The following UNC13C variants were observed in gnomAD, a reference collection of about 807,000 sequenced individuals.
The protein encoded by UNC13C is protein unc-13 homolog C.
UNC13C carries 174 observed loss-of-function variants against 245.4 expected under a neutral mutation model. That is an observed-to-expected ratio of 0.71 (90% CI 0.63 to 0.80). The LOEUF is 0.80. Ranked by LOEUF, UNC13C falls within the 30% of genes least tolerant of loss-of-function variation. The probability of loss-of-function intolerance (pLI) is 0.00; values close to 1 mark genes in which losing one functional copy is unlikely to be tolerated. For missense variants in UNC13C, 2,829 were observed against 2,602.9 expected, an observed-to-expected ratio of 1.09 and a Z score of -1.89; for synonymous variants, 992 against 895.1, an observed-to-expected ratio of 1.11 and a Z score of -1.93.
chr15:54,336,285 A>G lies in UNC13C; in HGVS notation c.4585-2076A>G, dbSNP rs57324037. Among the ~76,000 whole-genome samples, 7 of 151,988 alleles carry G rather than the reference A, an allele frequency of 4.6e-5. No individual in the cohort carries two copies. In the East Asian group the frequency reaches 9.7e-4, roughly 21 times the overall value. ...ATGCATTACCTCACAAAGTTATCAT[A>G]TTTGTGAGGAGAATATCTAAAATCT... On this transcript the variant is annotated intron_variant, in intron 16 of 32. Transcript: ENST00000260323.
At chr15:54,597,257 G>T (rs866699515) in intron 30 of UNC13C, among the ~76,000 whole-genome samples, 1 of 152,142 alleles carries the variant, frequency 6.6e-6, no homozygotes, top group Non-Finnish European at 1.5e-5. Context: ...GCCACAGACC[G>T]GTATCATTCC....
chr15:54,424,695 T>C (rs1214822785), intron 19 of UNC13C, among the ~76,000 whole-genome samples: 4 of 151,698 alleles, frequency 2.6e-5, no homozygotes, highest in African/African-American at 9.7e-5. Flanking sequence ...GGATATTCAA[T>C]TTGGCAAAAA....
chr15:54,540,380 CA>C (rs1293141701), intron 26 of UNC13C, among the ~76,000 whole-genome samples: 2 of 151,858 alleles, frequency 1.3e-5, no homozygotes, highest in Non-Finnish European at 2.9e-5. Flanking sequence ...TATTGCCAAC[CA>C]ATACACATGG....
chr15:54,451,424 T>G (rs1457445923), intron 19 of UNC13C, among the ~76,000 whole-genome samples: 1 of 152,136 alleles, frequency 6.6e-6, no homozygotes, highest in African/African-American at 2.4e-5. Context: ...TATTTAGTCC[T>G]TTTATGCTGT....
At chr15:54,284,595 A>G (rs2037092553) in intron 10 of UNC13C, among the ~76,000 whole-genome samples, 1 of 151,656 alleles carries the variant, frequency 6.6e-6, no homozygotes, top group Admixed American at 6.6e-5. Context: ...AATGGTGAAT[A>G]GAAATCACCA....
At chr15:53,893,690 G>T in the UNC13C span, among the ~76,000 whole-genome samples, 1 of 151,800 alleles carries the variant, frequency 6.6e-6, no homozygotes. Flanking sequence ...AATAGTGGAT[G>T]TCCCTCCCCC....
the UNC13C span, among the ~76,000 whole-genome samples, chr15:53,966,999 A>G: frequency 3.9e-5 from 6 of 152,022 alleles, no homozygotes; most frequent in African/African-American, 1.4e-4. Context: ...TATCCTCTGC[A>G]TTCTTTCACT....
chr15:54,332,766 C>T (rs1034885540), intron 15 of UNC13C, among the ~76,000 whole-genome samples: 7 of 151,926 alleles, frequency 4.6e-5, no homozygotes, highest in African/African-American at 1.7e-4. Context: ...CTAATAGATG[C>T]TCTCTTGTAT....
chr15:54,034,262 G>C (rs895009872), intron 2 of UNC13C, among the ~76,000 whole-genome samples: 2 of 152,196 alleles, frequency 1.3e-5, no homozygotes, highest in Non-Finnish European at 2.9e-5. Flanking sequence ...ATTTACTGCT[G>C]TAAGCTACTG....
intron 25 of UNC13C, among the ~76,000 whole-genome samples, chr15:54,527,816 T>G (rs1050665767): frequency 6.6e-6 from 1 of 152,226 alleles, no homozygotes; most frequent in East Asian, 1.9e-4. Context: ...ATGGGCTACA[T>G]GTCATGCTTT....
At chr15:53,941,924 G>T in the UNC13C span, among the ~76,000 whole-genome samples, 1 of 152,172 alleles carries the variant, frequency 6.6e-6, no homozygotes, top group Non-Finnish European at 1.5e-5. Flanking sequence ...TGATGAGGTT[G>T]CCGAGAAAAA....
intron 30 of UNC13C, among the ~76,000 whole-genome samples, chr15:54,594,734 C>T (rs1898978507): frequency 6.6e-6 from 1 of 152,212 alleles, no homozygotes; most frequent in African/African-American, 2.4e-5. Context: ...GGCTTGAAAA[C>T]TTGCCTGAGG....
chr15:54,052,857 T>C (rs752513693), intron 2 of UNC13C, among the ~76,000 whole-genome samples: 2 of 152,198 alleles, frequency 1.3e-5, no homozygotes, highest in African/African-American at 4.8e-5. Context: ...GTGACAGAAA[T>C]AGTACTCAGT....
At chr15:54,307,326 A>T (rs1016301748) in intron 13 of UNC13C, among the ~76,000 whole-genome samples, 5 of 151,894 alleles carry the variant, frequency 3.3e-5, no homozygotes, top group African/African-American at 1.2e-4. Flanking sequence ...GGCCAAAGGG[A>T]TGGAAGCTCT....
chr15:54,217,604 G>A (rs1204695830), intron 4 of UNC13C, among the ~76,000 whole-genome samples: 1 of 151,800 alleles, frequency 6.6e-6, no homozygotes, highest in African/African-American at 2.4e-5. Flanking sequence ...TTTTGTTTCT[G>A]TCTACACAAG....
At chr15:54,359,026 A>G (rs191844581) in intron 17 of UNC13C, among the ~76,000 whole-genome samples, 1 of 151,968 alleles carries the variant, frequency 6.6e-6, no homozygotes, top group Non-Finnish European at 1.5e-5. Context: ...TTATCATGAA[A>G]AAATGCTAAA....
intron 17 of UNC13C, among the ~76,000 whole-genome samples, chr15:54,340,914 A>G (rs887088480): frequency 1.3e-5 from 2 of 152,200 alleles, no homozygotes; most frequent in African/African-American, 4.8e-5. Context: ...CTACACATCC[A>G]TAAACATTCA....
Position 54,215,902 on chromosome 15 carries a change from C to G in UNC13C, c.3072-19128C>G, listed in dbSNP as rs2035025054. Among the ~76,000 whole-genome samples, 3 of 151,944 alleles carry G rather than the reference C, an allele frequency of 2.0e-5. No individual in the cohort carries two copies. The South Asian group carries it at 6.2e-4, about 31-fold the overall frequency. On this transcript the variant is annotated intron_variant, in intron 4 of 32. Transcript: ENST00000260323. ...ATCATGTCCGTTTCATGGCTAAATACCTACAGAAGATAGATGCAGCCATTT... is the reference window on the plus strand; with the variant it reads ...ATCATGTCCGTTTCATGGCTAAATAGCTACAGAAGATAGATGCAGCCATTT...
Position 54,319,293 on chromosome 15 carries a change from G to GA in UNC13C, c.4269-2632dup, listed in dbSNP as rs755621890. Reference sequence around the variant, plus strand: ...CAAATGTAATTACTTGTGAATTGTTGAAAAAAAAAAAAAAGAAATGTGATA... The same window carrying GA: ...CAAATGTAATTACTTGTGAATTGTTGAAAAAAAAAAAAAAAGAAATGTGATA... On this transcript the variant is annotated intron_variant, in intron 13 of 32. Coordinates refer to ENST00000260323, the MANE Select transcript of UNC13C (RefSeq NM_001080534.3). Among the ~76,000 whole-genome samples the GA allele has an allele frequency of 8.9e-3, 978 of 109,774 alleles. 4 individuals are homozygous for GA. The highest frequency in any genetic ancestry group is 0.011 in the South Asian group (38 of 3,422). 72.0% of individuals were successfully genotyped at this position (109,774 alleles called of 152,430 possible). A position where few individuals can be genotyped will look rare whatever the true frequency, so the allele number is the denominator to read the frequency against.
Sources: gnomAD v4.1 joint callset for allele counts (sites outside exome capture counted in the v4.1 genomes callset) on GRCh38, gnomAD v4.1.1 for gene constraint, MANE v1.5 for transcripts, NCBI Gene and HGNC (gene_info 2026-07-23, HGNC 2026-07-21) for gene names.